The following IL12RB2 variants were observed in gnomAD, a reference collection of about 807,000 sequenced individuals.
IL12RB2 encodes the protein interleukin-12 receptor subunit beta-2.
In IL12RB2, 82 loss-of-function variants were observed where a neutral mutation model predicts 89.4. The observed-to-expected ratio is 0.92, with a 90% CI of 0.77 to 1.10. The LOEUF is 1.10. Among genes scored for constraint, IL12RB2 ranks in the 50% least tolerant of loss-of-function variants. The pLI is 0.00. For missense variants in IL12RB2, 963 were observed against 1,031.9 expected (o/e 0.93, Z 0.92); for synonymous variants, 368 against 370.1 (o/e 0.99, Z 0.07).
chr1:67,361,418 C>T (rs1344905039), intron 10 of IL12RB2, among the ~76,000 whole-genome samples: 1 of 152,000 alleles, frequency 6.6e-6, no homozygotes, highest in African/African-American at 2.4e-5. Flanking sequence ...AAGTAGAAAA[C>T]CTGCAAAAAC....
At chr1:67,322,884 C>T (rs942215689) in intron 4 of IL12RB2, among the ~76,000 whole-genome samples, 3 of 152,202 alleles carry the variant, frequency 2.0e-5, no homozygotes, top group African/African-American at 4.8e-5. Context: ...ACCTGTGGCC[C>T]ATAGCCTTGC....
intron 10 of IL12RB2, among the ~76,000 whole-genome samples, chr1:67,366,084 C>T (rs1333555452): frequency 6.6e-6 from 1 of 152,066 alleles, no homozygotes; most frequent in Admixed American, 6.6e-5. Flanking sequence ...GAGTGAAGTA[C>T]ATGAATTGGC....
At chr1:67,375,831 G>A in intron 13 of IL12RB2, among the ~76,000 whole-genome samples, 1 of 151,568 alleles carries the variant, frequency 6.6e-6, no homozygotes. Flanking sequence ...GCCACGGCCA[G>A]CACATTTTTC....
intron 16 of IL12RB2, among the ~76,000 whole-genome samples, chr1:67,393,108 C>T (rs1237788440): frequency 6.6e-6 from 1 of 152,178 alleles, no homozygotes; most frequent in Admixed American, 6.5e-5. Flanking sequence ...AAACTGCTCT[C>T]CAGGTGCTAG....
chr1:67,313,065 T>G (rs956159690), intron 1 of IL12RB2, among the ~76,000 whole-genome samples: 10 of 152,256 alleles, frequency 6.6e-5, no homozygotes, highest in African/African-American at 2.4e-4. Flanking sequence ...GCCCATGTAA[T>G]GGCTTGTTAC....
chr1:67,395,008 C>G (rs1479995623), intron 16 of IL12RB2, among the ~76,000 whole-genome samples: 2 of 152,168 alleles, frequency 1.3e-5, no homozygotes, highest in South Asian at 2.1e-4. Context: ...TGGCTCATGC[C>G]TGTAATCCCA....
chr1:67,389,788 T>C (rs1665611346), intron 15 of IL12RB2, among the ~76,000 whole-genome samples: 1 of 152,244 alleles, frequency 6.6e-6, no homozygotes, highest in African/African-American at 2.4e-5. Context: ...TAGTGATAGA[T>C]TGCTAAATAT....
chr1:67,330,523 T>A, intron 7 of IL12RB2, 137 bp from the exon 8 acceptor site: 1 of 641,446 alleles, frequency 1.6e-6, no homozygotes, highest in Non-Finnish European at 2.8e-6. Flanking sequence ...TCACTGATAT[T>A]TCTTCTCATT....
chr1:67,374,939 G>T (rs1296111366), intron 13 of IL12RB2, among the ~76,000 whole-genome samples: 2 of 151,920 alleles, frequency 1.3e-5, no homozygotes, highest in Admixed American at 6.6e-5. Flanking sequence ...CTGCATAAGG[G>T]TATTTAAAAA....
At chr1:67,308,173 A>T (rs769047766) in intron 1 of IL12RB2, among the ~76,000 whole-genome samples, 57 of 151,906 alleles carry the variant, frequency 3.8e-4, no homozygotes, top group East Asian at 1.9e-4. Flanking sequence ...CACAGTCCTA[A>T]CGCCCTGGGC....
intron 1 of IL12RB2, among the ~76,000 whole-genome samples, chr1:67,308,653 A>G (rs1232775945): frequency 2.0e-5 from 3 of 152,156 alleles, no homozygotes. Context: ...TCAGCATTGT[A>G]CGGGATTATG....
chr1:67,379,308 G>A (rs551216174), intron 13 of IL12RB2, among the ~76,000 whole-genome samples: 306 of 146,924 alleles, frequency 2.1e-3, no homozygotes, highest in African/African-American at 7.3e-3. Context: ...TCAGGAGTTC[G>A]AGACCAGCCT....
intron 13 of IL12RB2, among the ~76,000 whole-genome samples, chr1:67,375,902 A>G (rs1222085140): frequency 5.4e-5 from 8 of 146,994 alleles, no homozygotes; most frequent in Admixed American, 6.9e-5. Context: ...GCTGGAGTGC[A>G]ATGGCGCGAT....
intron 10 of IL12RB2, 109 bp downstream of exon 10, chr1:67,351,198 G>A (rs982893202): frequency 5.8e-6 from 9 of 1,545,642 alleles, no homozygotes; most frequent in Non-Finnish European, 7.9e-6. Flanking sequence ...AGGAGTTCAG[G>A]CTTTGGAGTC....
intron 16 of IL12RB2, 96 bp from the exon 17 acceptor site, chr1:67,395,451 C>T (rs967546053): frequency 4.4e-6 from 7 of 1,609,086 alleles, no homozygotes; most frequent in Non-Finnish European, 5.9e-6. Context: ...GCTGAGGAGA[C>T]AGTGCAGGTT....
intron 10 of IL12RB2, among the ~76,000 whole-genome samples, chr1:67,354,742 T>C (rs1661202429): frequency 6.6e-6 from 1 of 152,174 alleles, no homozygotes; most frequent in South Asian, 2.1e-4. Flanking sequence ...TCTGTAGGGG[T>C]AGAACATGAC....
chr1:67,321,602 A>T lies in IL12RB2; in HGVS notation c.77A>T (p.Asp26Val). Residue 26 changes from aspartate (D) to valine (V), a missense_variant and splice_region_variant, in exon 4 of 17, where the codon GAT (aspartate) becomes GTT (valine). By Grantham distance (152) the Asp-to-Val change is radical. Transcript: ENST00000674203. ...ITWLLIKAKI[D>V]ACKRGDVTVK... ...ATATTGCATCTGTATCTTATTGCAG[A>T]TGCGTGCAAGAGAGGCGATGTGACT... 1.9e-6 allele frequency: 3 copies of T among 1,588,520 alleles called. No homozygotes were observed. Among genetic ancestry groups the T allele is most frequent in the Non-Finnish European group, 2.6e-6 (3 of 1,157,052 alleles).
At chr1:67,343,578 C>T (rs377349730) in intron 9 of IL12RB2, among the ~76,000 whole-genome samples, 1 of 152,092 alleles carries the variant, frequency 6.6e-6, no homozygotes, top group Non-Finnish European at 1.5e-5. Context: ...CAATCCTCTC[C>T]CTCAAACTTC....
chr1:67,316,810 C>T (rs1655837292), intron 2 of IL12RB2, among the ~76,000 whole-genome samples: 1 of 152,208 alleles, frequency 6.6e-6, no homozygotes, highest in South Asian at 2.1e-4. Context: ...CTGCAAACGC[C>T]TTTGTTGACA....
Sources: gnomAD v4.1 joint callset for allele counts (sites outside exome capture counted in the v4.1 genomes callset) on GRCh38, gnomAD v4.1.1 for gene constraint, MANE v1.5 for transcripts, NCBI Gene and HGNC (gene_info 2026-07-23, HGNC 2026-07-21) for gene names.